Variants in OSBPL10 observed in about 807,000 individuals in gnomAD.
OSBPL10 encodes oxysterol-binding protein-related protein 10.
A neutral mutation model predicts 81.7 loss-of-function variants in OSBPL10; 49 were observed. The ratio of observed to expected loss-of-function variants is 0.60; its 90% CI spans 0.48 to 0.76. The LOEUF (loss-of-function observed/expected upper bound fraction) is 0.76. Among genes scored for constraint, OSBPL10 ranks in the 30% least tolerant of loss-of-function variants. OSBPL10 has a pLI of 0.00. For missense variants in OSBPL10, 923 were observed against 987.8 expected (o/e 0.93, Z 0.88); for synonymous variants, 419 against 383.6 (o/e 1.09, Z -1.08).
intron 1 of OSBPL10, among the ~76,000 whole-genome samples, chr3:31,971,374 A>G (rs1013437618): frequency 6.6e-6 from 1 of 152,088 alleles, no homozygotes; most frequent in Non-Finnish European, 1.5e-5. Context: ...TCCTGACCTC[A>G]GGTGATCCAC....
chr3:31,939,453 T>C (rs1335983961), intron 1 of OSBPL10, among the ~76,000 whole-genome samples: 2 of 150,036 alleles, frequency 1.3e-5, no homozygotes, highest in African/African-American at 2.5e-5. Context: ...AACTCTTTCA[T>C]CTTAAAAAAA....
chr3:31,994,626 C>T (rs1185068744), intron 2 of OSBPL10, among the ~76,000 whole-genome samples: 1 of 152,126 alleles, frequency 6.6e-6, no homozygotes, highest in Non-Finnish European at 1.5e-5. Context: ...TTTCTATACA[C>T]CTTCTTCAAG....
intron 3 of OSBPL10, among the ~76,000 whole-genome samples, chr3:31,843,019 C>T (rs1700538428): frequency 6.6e-6 from 1 of 152,228 alleles, no homozygotes; most frequent in Admixed American, 6.5e-5. Flanking sequence ...ACGTGCTGGA[C>T]ACATTGTGTG....
Position 31,670,929 on chromosome 3 carries a change from G to T in OSBPL10, c.1781C>A (p.Ala594Asp). Reference sequence around the variant, plus strand: ...GATGGTGAGAATGGACCGGGCGTAGGCACTAGGCAGGGTGAATACGTACTC... The same window carrying T: ...GATGGTGAGAATGGACCGGGCGTAGTCACTAGGCAGGGTGAATACGTACTC... ...GEEYVFTLPS[A>D]YARSILTIPW... The change falls in exon 9 of 12, where the codon GCC becomes GAC. Residue 594 changes from alanine (A) to aspartate (D), a missense_variant. Physicochemically the swap from Ala to Asp is moderately radical, Grantham distance 126 (BLOSUM62 -2). This residue lies in a region of OSBPL10 where 387 missense variants were observed against 436.3 expected (regional missense o/e 0.89). Coordinates refer to ENST00000396556, the MANE Select transcript of OSBPL10 (RefSeq NM_017784.5). 2 of 1,614,140 alleles carry T rather than the reference G, an allele frequency of 1.2e-6. No individual in the cohort carries two copies. Among genetic ancestry groups the T allele is most frequent in the Non-Finnish European group, 1.7e-6 (2 of 1,180,000 alleles).
intron 1 of OSBPL10, among the ~76,000 whole-genome samples, chr3:31,930,903 A>C (rs1697223774): frequency 1.3e-5 from 2 of 150,522 alleles, no homozygotes; most frequent in African/African-American, 4.9e-5. Flanking sequence ...AGTCCCAGCT[A>C]CTCGGGAGGC....
At chr3:31,666,702 TA>T (rs1050253325) in intron 10 of OSBPL10, among the ~76,000 whole-genome samples, 22 of 152,232 alleles carry the variant, frequency 1.4e-4, no homozygotes, top group African/African-American at 4.8e-4. Flanking sequence ...CAAACCTATA[TA>T]TACTATGTTT....
chr3:32,044,941 A>C (rs1433681633), intron 2 of OSBPL10, among the ~76,000 whole-genome samples: 1 of 152,220 alleles, frequency 6.6e-6, no homozygotes, highest in East Asian at 1.9e-4. Flanking sequence ...TTTTGAGGGC[A>C]AACTAGGCCT....
intron 4 of OSBPL10, among the ~76,000 whole-genome samples, chr3:31,770,912 C>T (rs1484317466): frequency 2.0e-5 from 3 of 152,176 alleles, no homozygotes. Context: ...GCACCCCATT[C>T]TCCCCATTCT....
At chr3:31,668,893 C>T in intron 9 of OSBPL10, 69 bp from the exon 10 acceptor site, 2 of 1,337,270 alleles carry the variant, frequency 1.5e-6, no homozygotes, top group Non-Finnish European at 9.9e-7. Flanking sequence ...AAGGTACACC[C>T]ATCTCTAGAG....
chr3:31,879,750 A>G lies in OSBPL10; in HGVS notation c.362T>C (p.Val121Ala). Residue 121 changes from valine to alanine, a missense_variant, in exon 2 of 12, where the codon GTC (valine) becomes GCC (alanine). Val to Ala is a moderately conservative substitution (Grantham distance 64, BLOSUM62 0). This residue lies in a region of OSBPL10 where 514 missense variants were observed against 508.0 expected (regional missense o/e 1.01). Coordinates refer to ENST00000396556, the MANE Select transcript of OSBPL10 (RefSeq NM_017784.5). ...CACTATGGCTCCAGATAAAGACAGG[A>G]CTCCTCGAGGCTTCTGGTGTTTGCT... ...EQSKHQKPRG[V>A]LSLSGAIVSL... 4 of 1,613,994 alleles carry G rather than the reference A, an allele frequency of 2.5e-6. No individual in the cohort carries two copies. The highest frequency in any genetic ancestry group is 2.5e-6 in the Non-Finnish European group (3 of 1,179,988).
At position 31,763,605 on chromosome 3, in the gene OSBPL10, C is replaced by T. The variant is rs60084619; in HGVS notation, c.730-15485G>A. Reference sequence around the variant, plus strand: ...ATATACAAACTGGGCCTTAGCTCTACCCAGTAAACACCTGCCATTCCCTTT... The same window carrying T: ...ATATACAAACTGGGCCTTAGCTCTATCCAGTAAACACCTGCCATTCCCTTT... On this transcript the variant is annotated intron_variant, in intron 4 of 11. Transcript: ENST00000396556. 5.3e-5 allele frequency among the ~76,000 whole-genome samples: 8 copies of T among 152,298 alleles called. No homozygotes were observed. The East Asian group carries it at 1.4e-3, about 26-fold the overall frequency.
At chr3:32,028,326 T>C (rs573377901) in intron 2 of OSBPL10, among the ~76,000 whole-genome samples, 1 of 152,346 alleles carries the variant, frequency 6.6e-6, no homozygotes, top group South Asian at 2.1e-4. Flanking sequence ...CATTATTTCA[T>C]TCACTTTCTT....
At chr3:31,802,523 G>A (rs1333769234) in intron 4 of OSBPL10, among the ~76,000 whole-genome samples, 1 of 142,652 alleles carries the variant, frequency 7.0e-6, no homozygotes, top group Non-Finnish European at 1.5e-5. Flanking sequence ...CCAAGATCAT[G>A]CGCCACTGCA....
intron 1 of OSBPL10, among the ~76,000 whole-genome samples, chr3:31,908,805 G>A (rs1696493846): frequency 6.6e-6 from 1 of 152,160 alleles, no homozygotes; most frequent in Admixed American, 6.6e-5. Flanking sequence ...ACAGATGATG[G>A]CAGCACTTTC....
chr3:31,902,785 C>T (rs1696288631), intron 1 of OSBPL10, among the ~76,000 whole-genome samples: 2 of 152,118 alleles, frequency 1.3e-5, no homozygotes, highest in Admixed American at 1.3e-4. Context: ...AGGATGGTCT[C>T]GATCTCCTGA....
At chr3:32,042,543 T>A (rs1173768886) in intron 2 of OSBPL10, among the ~76,000 whole-genome samples, 1 of 152,148 alleles carries the variant, frequency 6.6e-6, no homozygotes, top group East Asian at 1.9e-4. Context: ...GTATGCTCTA[T>A]CATATTGGGG....
At chr3:31,946,128 G>A (rs572703252) in intron 1 of OSBPL10, among the ~76,000 whole-genome samples, 1 of 151,944 alleles carries the variant, frequency 6.6e-6, no homozygotes, top group East Asian at 1.9e-4. Flanking sequence ...TTACAGGCAC[G>A]TGCCACCATG....
At chr3:32,075,003 C>G (rs1046788631) in intron 1 of OSBPL10, among the ~76,000 whole-genome samples, 15 of 152,312 alleles carry the variant, frequency 9.8e-5, no homozygotes, top group African/African-American at 2.9e-4. Context: ...CCTCATGACG[C>G]CAACACGACC....
At chr3:31,854,603 A>G (rs1356674712) in intron 3 of OSBPL10, among the ~76,000 whole-genome samples, 1 of 152,182 alleles carries the variant, frequency 6.6e-6, no homozygotes, top group Non-Finnish European at 1.5e-5. Context: ...ATAATTTTTA[A>G]AAGTTGACAA....
Sources: allele counts gnomAD v4.1 joint callset (sites outside exome capture counted in the v4.1 genomes callset), GRCh38; gene constraint gnomAD v4.1.1; regional missense constraint gnomAD v4.1.1; transcripts MANE v1.5; gene names NCBI Gene and HGNC (gene_info 2026-07-23, HGNC 2026-07-21).